IPO8: variants seen among roughly 807,000 people sequenced by gnomAD.
IPO8 encodes importin-8.
IPO8 carries 65 observed loss-of-function variants against 141.2 expected under a neutral mutation model. The observed-to-expected ratio is 0.46, with a 90% confidence interval of 0.38 to 0.57. The LOEUF is 0.57. IPO8 is among the 20% of genes least tolerant of loss of function. IPO8 has a pLI of 0.00. For synonymous variants in IPO8, 411 were observed against 420.3 expected (o/e 0.98, Z 0.27); for missense variants, 980 against 1,246.8 (o/e 0.79, Z 3.22).
At chr12:30,684,561 C>T in intron 2 of IPO8, 104 bp from the exon 3 acceptor site, 2 of 1,124,490 alleles carry the variant, frequency 1.8e-6, no homozygotes. Context: ...AAACATGAAA[C>T]CCAGCAAAAA....
intron 16 of IPO8, among the ~76,000 whole-genome samples, chr12:30,659,027 C>A (rs989065705): frequency 2.0e-5 from 3 of 151,734 alleles, no homozygotes; most frequent in African/African-American, 7.3e-5. Flanking sequence ...ACTACAGGCG[C>A]CCGCCACCAC....
intron 21 of IPO8, among the ~76,000 whole-genome samples, chr12:30,638,074 C>T (rs1329637106): frequency 6.6e-6 from 1 of 152,110 alleles, no homozygotes; most frequent in East Asian, 1.9e-4. Flanking sequence ...CCCCTAAATA[C>T]ATGCCACACG....
chr12:30,689,811 G>A (rs145340233), intron 2 of IPO8, among the ~76,000 whole-genome samples: 8 of 152,212 alleles, frequency 5.3e-5, no homozygotes, highest in African/African-American at 1.9e-4. Context: ...TTACTTACAT[G>A]TATATGTCAC....
intron 5 of IPO8, among the ~76,000 whole-genome samples, chr12:30,677,875 G>A (rs369776703): frequency 2.6e-5 from 4 of 152,014 alleles, no homozygotes; most frequent in East Asian, 1.9e-4. Flanking sequence ...GGTGGCTCAC[G>A]CCTGTAATCT....
At chr12:30,688,125 TAAA>T (rs1185031459) in intron 2 of IPO8, among the ~76,000 whole-genome samples, 1 of 152,124 alleles carries the variant, frequency 6.6e-6, no homozygotes. Context: ...ATGTAAGAAG[TAAA>T]AAATTAGAAA....
At chr12:30,694,404 T>C (rs2053318443) in intron 1 of IPO8, among the ~76,000 whole-genome samples, 2 of 152,214 alleles carry the variant, frequency 1.3e-5, no homozygotes, top group South Asian at 4.1e-4. Context: ...CCTGCATTTA[T>C]ACCTACTCCA....
At chr12:30,675,704 C>T (rs933969805) in intron 6 of IPO8, among the ~76,000 whole-genome samples, 6 of 150,684 alleles carry the variant, frequency 4.0e-5, no homozygotes, top group Admixed American at 1.3e-4. Flanking sequence ...ATTAGCCGGG[C>T]GTGGTGGCGA....
intron 2 of IPO8, among the ~76,000 whole-genome samples, chr12:30,685,538 C>G (rs148353738): frequency 6.6e-6 from 1 of 150,796 alleles, no homozygotes; most frequent in Non-Finnish European, 1.5e-5. Flanking sequence ...GTAAAGAATA[C>G]AGATACGTGA....
intron 20 of IPO8, among the ~76,000 whole-genome samples, chr12:30,644,640 GTTTTTTTTTTTTGTTTT>G (rs936546186): frequency 1.0e-4 from 9 of 89,598 alleles, no homozygotes; most frequent in Non-Finnish European, 1.1e-4. Context: ...GCTTTTTGGT[GTTTTTTTTTTTTGTTTT>G]TTTTTTTTTT....
chr12:30,681,926 A>C, intron 3 of IPO8, 109 bp from the exon 4 acceptor site: 1 of 808,444 alleles, frequency 1.2e-6, no homozygotes. Context: ...TACGTGTATT[A>C]TATACTTACA....
intron 5 of IPO8, among the ~76,000 whole-genome samples, chr12:30,679,364 A>T (rs2053161804): frequency 6.6e-6 from 1 of 152,238 alleles, no homozygotes. Context: ...CTGTCGTCTT[A>T]GCAAACCAAT....
chr12:30,638,824 G>A (rs2052537047), intron 21 of IPO8, among the ~76,000 whole-genome samples: 2 of 152,030 alleles, frequency 1.3e-5, no homozygotes, highest in South Asian at 2.1e-4. Context: ...CCACCACCAC[G>A]CCCTGCTAGC....
intron 13 of IPO8, among the ~76,000 whole-genome samples, chr12:30,664,816 C>T (rs570688069): frequency 2.1e-4 from 32 of 152,180 alleles, no homozygotes; most frequent in African/African-American, 7.0e-4. Context: ...CTCAGCTCAC[C>T]GCAACCTCCG....
intron 16 of IPO8, among the ~76,000 whole-genome samples, chr12:30,658,976 G>A (rs1481249471): frequency 2.0e-5 from 3 of 150,456 alleles, no homozygotes; most frequent in Non-Finnish European, 1.5e-5. Flanking sequence ...CGCCTCCCGG[G>A]TTCATGCCAT....
chr12:30,641,684 A>G (rs1031003128), intron 20 of IPO8, among the ~76,000 whole-genome samples: 1 of 152,066 alleles, frequency 6.6e-6, no homozygotes, highest in Admixed American at 6.5e-5. Flanking sequence ...GTGGATGAAC[A>G]TATCTTAGAG....
chr12:30,662,321 T>C lies in IPO8; in HGVS notation c.1755+6A>G. 1 of 1,607,890 alleles carries C rather than the reference T, an allele frequency of 6.2e-7. No homozygotes were observed. The highest frequency in any genetic ancestry group is 8.5e-7 in the Non-Finnish European group (1 of 1,176,964). The stretch of plus-strand genomic sequence containing the variant: ...ACCAAATTAACATAAAACTGCCCGG[T>C]CTTACCAAGTGTTGGGTCATATCAA... On this transcript the variant is annotated splice_donor_region_variant and intron_variant, in intron 15 of 24. Transcript: ENST00000256079.
rs1344196014 is a variant in IPO8 at position 30,630,802 on chromosome 12, C to CA, written c.*57dup. On this transcript the variant is annotated 3_prime_UTR_variant, in exon 25 of 25. Coordinates refer to ENST00000256079, the MANE Select transcript of IPO8 (RefSeq NM_006390.4). ...CCTCATTTCATCCCCTTGACCCTCA[C>CA]ACTCCTCTTGTGAAATAAAATGCAG... The CA allele has an allele frequency of 1.4e-6, 2 of 1,409,362 alleles. No homozygotes were observed. The highest frequency in any genetic ancestry group is 2.0e-6 in the Non-Finnish European group (2 of 999,534). 87.3% of individuals were successfully genotyped at this position (1,409,362 alleles called of 1,614,324 possible).
At chr12:30,671,315 CA>C (rs2053045420) in intron 8 of IPO8, among the ~76,000 whole-genome samples, 2 of 152,074 alleles carry the variant, frequency 1.3e-5, no homozygotes, top group South Asian at 4.1e-4. Context: ...AACTTCCAGG[CA>C]AAGTCTAAAT....
chr12:30,633,800 C>T (rs898457383), intron 23 of IPO8, among the ~76,000 whole-genome samples: 1 of 152,160 alleles, frequency 6.6e-6, no homozygotes, highest in South Asian at 2.1e-4. Context: ...AAAGGATGAA[C>T]AATATACACA....
Sources: allele counts gnomAD v4.1 joint callset (sites outside exome capture counted in the v4.1 genomes callset), GRCh38; gene constraint gnomAD v4.1.1; transcripts MANE v1.5; gene names NCBI Gene and HGNC (gene_info 2026-07-23, HGNC 2026-07-21).